The following GLCCI1 variants were observed in gnomAD, a reference collection of about 807,000 sequenced individuals.
GLCCI1 encodes the protein glucocorticoid-induced transcript 1 protein.
Under a neutral mutation model 52.2 loss-of-function variants are expected in GLCCI1, and 24 were observed. The observed-to-expected ratio is 0.46, with a 90% CI of 0.33 to 0.65. The LOEUF is 0.65. GLCCI1 is among the 30% of genes least tolerant of loss of function. The pLI is 0.02. For missense variants in GLCCI1, 704 were observed against 701.5 expected, an observed-to-expected ratio of 1.00 and a Z score of -0.04; for synonymous variants, 310 against 276.5, an observed-to-expected ratio of 1.12 and a Z score of -1.20.
rs778389862 is a variant in GLCCI1, at chr7:8,060,178, T to C, written c.896T>C (p.Val299Ala). 16 of 1,612,940 alleles carry C rather than the reference T, an allele frequency of 9.9e-6. No homozygotes were observed. In the Admixed American group the frequency reaches 1.3e-4, roughly 13 times the overall value. The change falls in exon 5 of 8, where the codon GTA becomes GCA. Residue 299 changes from valine to alanine, a missense_variant. This residue lies in a region of GLCCI1 where 547 missense variants were observed against 524.8 expected (regional missense o/e 1.04). Transcript: ENST00000223145. ...TCTGTTTCGCGTGTGCCCTGCAATG[T>C]AGAAGGAATAAGTCCTGAATTAGAA... Reference protein sequence around the residue: ...KSSVSRVPCNVEGISPELEKV... With the variant: ...KSSVSRVPCNAEGISPELEKV...
chr7:7,973,453 A>G (rs1434637421), intron 1 of GLCCI1, among the ~76,000 whole-genome samples: 3 of 110,294 alleles, frequency 2.7e-5, no homozygotes, highest in African/African-American at 8.7e-5. Flanking sequence ...TTGTAAAGAT[A>G]GATCATTAGG....
chr7:8,047,786 A>C (rs1782165637), intron 3 of GLCCI1, among the ~76,000 whole-genome samples: 1 of 152,364 alleles, frequency 6.6e-6, no homozygotes, highest in Non-Finnish European at 1.5e-5. Context: ...TTATTCAGTG[A>C]CAGAAGTTCT....
At chr7:7,974,584 A>G (rs1219606618) in intron 1 of GLCCI1, among the ~76,000 whole-genome samples, 1 of 152,144 alleles carries the variant, frequency 6.6e-6, no homozygotes, top group African/African-American at 2.4e-5. Context: ...GAATAAGAAA[A>G]TAAGGGAGTA....
At chr7:8,072,677 C>G (rs1313716539) in intron 6 of GLCCI1, among the ~76,000 whole-genome samples, 1 of 152,074 alleles carries the variant, frequency 6.6e-6, no homozygotes. Context: ...AATGGAGAAA[C>G]CAGTCTGTCT....
intron 1 of GLCCI1, among the ~76,000 whole-genome samples, chr7:8,002,079 A>G (rs886904069): frequency 6.6e-6 from 1 of 152,142 alleles, no homozygotes; most frequent in Non-Finnish European, 1.5e-5. Flanking sequence ...CATGTACCCT[A>G]GAACTTAAAG....
At chr7:8,042,440 G>C (rs1782021188) in intron 3 of GLCCI1, among the ~76,000 whole-genome samples, 1 of 152,188 alleles carries the variant, frequency 6.6e-6, no homozygotes, top group African/African-American at 2.4e-5. Flanking sequence ...ACCCTTAATG[G>C]ATGACTTTGA....
chr7:8,040,044 T>A (rs1781963060), intron 3 of GLCCI1, among the ~76,000 whole-genome samples: 1 of 148,964 alleles, frequency 6.7e-6, no homozygotes, highest in Admixed American at 6.7e-5. Flanking sequence ...ACACAATATA[T>A]CCATGTAACA....
At chr7:8,002,948 G>A (rs1781076351) in intron 1 of GLCCI1, among the ~76,000 whole-genome samples, 1 of 152,082 alleles carries the variant, frequency 6.6e-6, no homozygotes, top group African/African-American at 2.4e-5. Flanking sequence ...GTAGATTTTG[G>A]GTTCTTTTTA....
At position 7,969,305 on chromosome 7, in the gene GLCCI1, C is replaced by A; in HGVS notation, c.-46C>A. On this transcript the variant is annotated 5_prime_UTR_variant, in exon 1 of 8. Coordinates refer to ENST00000223145, the MANE Select transcript of GLCCI1 (RefSeq NM_138426.4). This position sits in a 1 kb window ranked among gnomAD's most constrained non-coding sequence, Gnocchi z 4.9. ...CCACACGCTCGCGCGCCTCCCGCCC[C>A]GCGCCTCCGTGTCGGCCGGCGGCGT... The A allele has an allele frequency of 5.0e-6, 7 of 1,387,568 alleles. No individual in the cohort carries two copies. The highest frequency in any genetic ancestry group is 6.6e-6 in the Non-Finnish European group (7 of 1,063,402). The allele number at this position is 1,387,568 out of a possible 1,614,324, so 86.0% of individuals were successfully genotyped here.
chr7:8,073,165 T>C (rs1037833271), intron 6 of GLCCI1, among the ~76,000 whole-genome samples: 17 of 152,134 alleles, frequency 1.1e-4, no homozygotes, highest in African/African-American at 4.1e-4. Context: ...AGGAATGCAT[T>C]TGAATCCTGG....
chr7:7,981,438 T>C (rs1297655609), intron 1 of GLCCI1, among the ~76,000 whole-genome samples: 2 of 152,148 alleles, frequency 1.3e-5, no homozygotes, highest in African/African-American at 2.4e-5. Flanking sequence ...TTCTCCTCCC[T>C]TAGCCTCCCA....
chr7:7,992,101 G>T (rs78092986), intron 1 of GLCCI1, among the ~76,000 whole-genome samples: 87 of 93,858 alleles, frequency 9.3e-4, no homozygotes, highest in Admixed American at 2.3e-3. Context: ...CTTTCTTTCT[G>T]TCTGTTTCTC....
intron 3 of GLCCI1, among the ~76,000 whole-genome samples, chr7:8,040,284 A>C (rs985409649): frequency 2.0e-5 from 3 of 151,968 alleles, no homozygotes; most frequent in African/African-American, 7.3e-5. Flanking sequence ...TCATGAGTTC[A>C]AGACCAGCCT....
chr7:8,028,156 C>G (rs1781662449), intron 3 of GLCCI1, among the ~76,000 whole-genome samples: 1 of 152,160 alleles, frequency 6.6e-6, no homozygotes. Flanking sequence ...CCTCAGAATA[C>G]AAATTTTCCT....
In GLCCI1 at chr7:8,086,465, C is replaced by T. The variant is rs752517434; in HGVS notation, c.1571C>T (p.Ser524Phe). The change falls in exon 8 of 8, where the codon TCC becomes TTC. Residue 524 changes from serine to phenylalanine, a missense_variant. Ser to Phe is a radical substitution (Grantham distance 155). Transcript: ENST00000223145. The surrounding 1 kb of genome is among the most constrained non-coding windows in gnomAD (Gnocchi z 4.4). Reference protein sequence around the residue: ...GSMEASVQQPSQQQQLLQELQ... With the variant: ...GSMEASVQQPFQQQQLLQELQ... ...ATGGAGGCCTCTGTCCAGCAGCCAT[C>T]CCAGCAGCAGCAGCTCCTGCAGGAA... 1.2e-5 allele frequency: 20 copies of T among 1,614,030 alleles called. No homozygotes were observed. Among genetic ancestry groups the T allele is most frequent in the Non-Finnish European group, 1.7e-5 (20 of 1,180,034 alleles).
chr7:7,980,461 G>A (rs554804794), intron 1 of GLCCI1: 14 of 296,042 alleles, frequency 4.7e-5, no homozygotes, highest in Admixed American at 3.0e-4. Flanking sequence ...GAAGGTACTC[G>A]CCTGCTTTAA....
At chr7:8,056,435 TCCTTTAC>T (rs1782399394) in intron 4 of GLCCI1, among the ~76,000 whole-genome samples, 1 of 152,228 alleles carries the variant, frequency 6.6e-6, no homozygotes, top group Non-Finnish European at 1.5e-5. Context: ...TCCTAACAGT[TCCTTTAC>T]CCATCTTTCT....
chr7:8,055,002 T>C (rs569659542), intron 3 of GLCCI1, among the ~76,000 whole-genome samples: 73 of 152,258 alleles, frequency 4.8e-4, no homozygotes, highest in Admixed American at 3.9e-3. Context: ...TGTTTAGTAA[T>C]TGGTAAACCA....
intron 5 of GLCCI1, among the ~76,000 whole-genome samples, chr7:8,060,969 C>A (rs60275081): frequency 0.029 from 4,381 of 152,244 alleles, 201 homozygotes; most frequent in African/African-American, 0.092. Context: ...TGCATCCTCA[C>A]CAACACTTGT....
Sources: gnomAD v4.1 joint callset for allele counts (sites outside exome capture counted in the v4.1 genomes callset) on GRCh38, gnomAD v4.1.1 for gene constraint, gnomAD v4.1.1 regional missense constraint, Gnocchi (gnomAD v3.1) non-coding constraint, MANE v1.5 for transcripts, NCBI Gene and HGNC (gene_info 2026-07-23, HGNC 2026-07-21) for gene names.